The following LRRC45 variants were observed in gnomAD, a reference collection of about 807,000 sequenced individuals.
The protein encoded by LRRC45 is leucine rich repeat containing 45.
A neutral mutation model predicts 85.4 loss-of-function variants in LRRC45; 73 were observed. The ratio of observed to expected loss-of-function variants is 0.85; its 90% CI spans 0.71 to 1.04. The LOEUF is 1.04. Ranked by LOEUF, LRRC45 falls within the 50% of genes least tolerant of loss-of-function variation. The pLI is 0.00. For synonymous variants in LRRC45, 429 were observed against 386.0 expected, an observed-to-expected ratio of 1.11 and a Z score of -1.31; for missense variants, 937 against 883.3, an observed-to-expected ratio of 1.06 and a Z score of -0.77.
Position 82,027,726 on chromosome 17 carries a change from TC to T in LRRC45, c.888del (p.Ile297SerfsTer11), listed in dbSNP as rs768382830. ...QLQEALNERHSIINALKAKLQ... is the reference protein window; with the variant it reads ...QLQEALNERHXIINALKAKLQ... ...TCAGGAAGCCCTGAATGAGAGGCAC[TC>T]CATCATCAACGCTCTCAAGGCCAAG... On this transcript the variant is annotated frameshift_variant, in exon 8 of 17. Coordinates refer to ENST00000306688, the MANE Select transcript of LRRC45 (RefSeq NM_144999.4). LOFTEE classifies it high-confidence loss of function. 3 of 1,611,058 alleles carry T rather than the reference TC, an allele frequency of 1.9e-6. No homozygotes were observed. In the African/African-American group the frequency reaches 4.0e-5, roughly 22 times the overall value.
intron 1 of LRRC45, 136 bp from the exon 2 acceptor site, chr17:82,024,142 T>TCTTGGC (rs1394050571): frequency 1.9e-6 from 2 of 1,050,008 alleles, no homozygotes; most frequent in Non-Finnish European, 2.7e-6. Flanking sequence ...GCAGCGAGAC[T>TCTTGGC]CTTGGCCAGC....
At position 82,030,476 on chromosome 17, in the gene LRRC45, AC is replaced by A; in HGVS notation, c.1816+13del. On this transcript the variant is annotated intron_variant, in intron 16 of 16. Transcript: ENST00000306688. ...GAGCGCCAGCTGAAAGGTGAGCCAG[AC>A]CCTTGTCCTCCCGCCGCCCACTGGT... is the stretch of plus-strand genomic sequence containing the variant. 6.5e-7 allele frequency: 1 copy of A among 1,538,832 alleles called. No homozygotes were observed. The highest frequency in any genetic ancestry group is 8.7e-7 in the Non-Finnish European group (1 of 1,145,164).
Position 82,023,482 on chromosome 17 carries a change from C to A in LRRC45, c.-162C>A. ...ACCTTGACTACCGCCCAGCCCCGCG[C>A]TCCCAGGACCTCCCGCCCGCGGAGC... On this transcript the variant is annotated 5_prime_UTR_variant, in exon 1 of 17. Transcript: ENST00000306688. 1 of 628,978 alleles carries A rather than the reference C, an allele frequency of 1.6e-6. No individual in the cohort carries two copies. Among genetic ancestry groups the A allele is most frequent in the Non-Finnish European group, 2.7e-6 (1 of 375,356 alleles). 39.0% of individuals were successfully genotyped at this position (628,978 alleles called of 1,614,324 possible).
chr17:82,028,020 G>A lies in LRRC45; in HGVS notation c.921G>A (p.Met307Ile). ...IINALKAKLQ[M>I]TEAALALSEQ... ...CCCCTCCTTTCTGCAGGCTGCAGAT[G>A]ACAGAGGCCGCCCTGGCTCTGTCGG... Residue 307 changes from methionine (M) to isoleucine (I), a missense_variant, in exon 9 of 17, where the codon ATG becomes ATA. Met to Ile is a conservative substitution (Grantham distance 10, BLOSUM62 1). Coordinates refer to ENST00000306688, the MANE Select transcript of LRRC45 (RefSeq NM_144999.4). 1 of 1,603,546 alleles carries A rather than the reference G, an allele frequency of 6.2e-7. No homozygotes were observed. The highest frequency in any genetic ancestry group is 8.5e-7 in the Non-Finnish European group (1 of 1,176,248).
rs1259855915 is a variant in LRRC45, at chr17:82,023,537, C to G, written c.-107C>G. ...TCGGATTGCTCTCCGCCCGGGTCGG[C>G]GGAGGCCCCGTCTCCTGTACCCGGC... is the stretch of plus-strand genomic sequence containing the variant. On this transcript the variant is annotated 5_prime_UTR_variant, in exon 1 of 17. Coordinates refer to ENST00000306688, the MANE Select transcript of LRRC45 (RefSeq NM_144999.4). The G allele has an allele frequency of 9.7e-7, 1 of 1,030,498 alleles. No homozygotes were observed. Among genetic ancestry groups the G allele is most frequent in the African/African-American group, 1.7e-5 (1 of 59,530 alleles). 63.8% of individuals were successfully genotyped at this position (1,030,498 alleles called of 1,614,324 possible).
intron 5 of LRRC45, among the ~76,000 whole-genome samples, chr17:82,026,343 G>A (rs1299899329): frequency 3.9e-5 from 6 of 152,160 alleles, no homozygotes; most frequent in Non-Finnish European, 8.8e-5. Flanking sequence ...CACCACCTCT[G>A]CCCCACATGT....
chr17:82,029,517 G>A (rs761366155), intron 13 of LRRC45, 26 bp from the exon 14 acceptor site: 11 of 1,552,352 alleles, frequency 7.1e-6, no homozygotes, highest in African/African-American at 2.7e-5. Context: ...ACAGGAGAAC[G>A]GGCTGGCAGG....
chr17:82,026,564 T>TTGTGTGTG (rs550616399), intron 5 of LRRC45, among the ~76,000 whole-genome samples: 28,182 of 137,286 alleles, frequency 0.21, 3,382 homozygotes, highest in Non-Finnish European at 0.26. Flanking sequence ...CACAGCTCCT[T>TTGTGTGTG]TGTGTGTGTG....
At chr17:82,029,270 C>A (rs987578683) in intron 13 of LRRC45, 85 bp downstream of exon 13, 1 of 1,294,832 alleles carries the variant, frequency 7.7e-7, no homozygotes, top group Non-Finnish European at 1.1e-6. Context: ...CGCCTCAGGA[C>A]CAGAGACCTC....
At position 82,030,466 on chromosome 17, in the gene LRRC45, G is replaced by A. The variant is rs1325578456; in HGVS notation, c.1816G>A (p.Val606Met). ...KAAALERQLKVMASDHREALL... is the reference protein window; with the variant it reads ...KAAALERQLKMMASDHREALL... ...GGCGGCCCTGGAGCGCCAGCTGAAAGGTGAGCCAGACCCTTGTCCTCCCGC... is the reference window on the plus strand; with the variant it reads ...GGCGGCCCTGGAGCGCCAGCTGAAAAGTGAGCCAGACCCTTGTCCTCCCGC... The change falls in exon 16 of 17, where the codon GTG (valine) becomes ATG (methionine). Residue 606 changes from valine to methionine, a missense_variant and splice_region_variant. Coordinates refer to ENST00000306688, the MANE Select transcript of LRRC45 (RefSeq NM_144999.4). The A allele has an allele frequency of 8.4e-6, 13 of 1,543,094 alleles. No homozygotes were observed. Among genetic ancestry groups the A allele is most frequent in the Admixed American group, 2.0e-5 (1 of 51,076 alleles).
chr17:82,025,625 G>T, intron 5 of LRRC45, 118 bp downstream of exon 5: 1 of 1,304,562 alleles, frequency 7.7e-7, no homozygotes, highest in Admixed American at 2.9e-5. Flanking sequence ...AGAGCCCAGG[G>T]GAAGCAGGAA....
rs140858090 is a variant in LRRC45 at position 82,027,030 on chromosome 17, C to T, written c.774+19C>T. 40 of 1,564,970 alleles carry T rather than the reference C, an allele frequency of 2.6e-5. No individual in the cohort carries two copies. Among genetic ancestry groups the T allele is most frequent in the Non-Finnish European group, 3.5e-5 (40 of 1,155,426 alleles). ...CAAGCAGGTGAGGATGGCGCCTTCA[C>T]TGACCTTGGAGCTGCTTATGGCTGG... On this transcript the variant is annotated intron_variant, in intron 6 of 16. Transcript: ENST00000306688.
intron 5 of LRRC45, among the ~76,000 whole-genome samples, 163 bp downstream of exon 5, chr17:82,025,670 T>C (rs1476114208): frequency 6.6e-6 from 1 of 152,218 alleles, no homozygotes; most frequent in Non-Finnish European, 1.5e-5. Context: ...TGTTTGGCAC[T>C]TGAATGGCGT....
At chr17:82,029,307 C>T in intron 13 of LRRC45, 122 bp downstream of exon 13, 2 of 1,055,276 alleles carry the variant, frequency 1.9e-6, no homozygotes, top group Non-Finnish European at 2.7e-6. Flanking sequence ...CTCATAGGCC[C>T]CACCTTGGGG....
At chr17:82,026,118 C>T (rs1245420696) in intron 5 of LRRC45, among the ~76,000 whole-genome samples, 2 of 152,226 alleles carry the variant, frequency 1.3e-5, no homozygotes, top group Non-Finnish European at 2.9e-5. Context: ...TGCCTGGCCT[C>T]TGACTCCAGC....
At chr17:82,024,928 C>A in intron 3 of LRRC45, 72 bp from the exon 4 acceptor site, 1 of 1,460,082 alleles carries the variant, frequency 6.8e-7, no homozygotes, top group Non-Finnish European at 9.1e-7. Flanking sequence ...AAGCCCACAC[C>A]CGTCCCCAAG....
intron 14 of LRRC45, 141 bp from the exon 15 acceptor site, chr17:82,029,924 G>A (rs2144149674): frequency 9.3e-7 from 1 of 1,079,284 alleles, no homozygotes; most frequent in South Asian, 1.6e-5. Context: ...GGAGGAGGTG[G>A]CTGCCAGGGG....
chr17:82,029,224 C>T, intron 13 of LRRC45, 39 bp downstream of exon 13: 1 of 1,585,276 alleles, frequency 6.3e-7, no homozygotes, highest in Non-Finnish European at 8.6e-7. Context: ...CTGCCTTAGT[C>T]CTGGGCTGAA....
chr17:82,028,387 C>T lies in LRRC45; in HGVS notation c.1126-10C>T, dbSNP rs761932947. On this transcript the variant is annotated splice_polypyrimidine_tract_variant and intron_variant, in intron 10 of 16. Coordinates refer to ENST00000306688, the MANE Select transcript of LRRC45 (RefSeq NM_144999.4). The stretch of plus-strand genomic sequence containing the variant: ...GGGCTGCAGCTTCCCTCCCTGGTGC[C>T]GGCTTTCAGGTAGACGAGTTGGAGC... The T allele has an allele frequency of 1.1e-5, 18 of 1,611,894 alleles. No homozygotes were observed. Among genetic ancestry groups the T allele is most frequent in the Middle Eastern group, 1.6e-4 (1 of 6,080 alleles).
Sources: allele counts gnomAD v4.1 joint callset (sites outside exome capture counted in the v4.1 genomes callset), GRCh38; gene constraint gnomAD v4.1.1; transcripts MANE v1.5; gene names NCBI Gene and HGNC (gene_info 2026-07-23, HGNC 2026-07-21).